The following GLRA3 variants were observed in gnomAD, a reference collection of about 807,000 sequenced individuals.
The protein encoded by GLRA3 is glycine receptor alpha 3, also known as glycine receptor subunit alpha-3.
GLRA3 carries 44 observed loss-of-function variants against 60.4 expected under a neutral mutation model. The ratio of observed to expected loss-of-function variants is 0.73; its 90% CI spans 0.57 to 0.94. The LOEUF (loss-of-function observed/expected upper bound fraction) is 0.94. GLRA3 is among the 40% of genes least tolerant of loss of function. GLRA3 has a pLI of 0.00. For missense variants in GLRA3, 508 were observed against 564.6 expected (o/e 0.90, Z 1.02); for synonymous variants, 223 against 192.9 (o/e 1.16, Z -1.29).
chr4:174,709,351 T>C (rs1735624948), intron 5 of GLRA3, among the ~76,000 whole-genome samples: 1 of 152,046 alleles, frequency 6.6e-6, no homozygotes, highest in Non-Finnish European at 1.5e-5. Context: ...CAGAATTCTC[T>C]GTGTGGTATG....
At chr4:174,790,184 T>C (rs1365752924) in intron 1 of GLRA3, among the ~76,000 whole-genome samples, 3 of 152,306 alleles carry the variant, frequency 2.0e-5, no homozygotes, top group Admixed American at 2.0e-4. Flanking sequence ...TTCTGGGCAC[T>C]CTGAGTCACT....
intron 7 of GLRA3, among the ~76,000 whole-genome samples, chr4:174,676,136 A>T (rs888313767): frequency 6.6e-6 from 1 of 152,190 alleles, no homozygotes; most frequent in African/African-American, 2.4e-5. Flanking sequence ...ATTTCTATGC[A>T]GCTAAATAAA....
intron 3 of GLRA3, among the ~76,000 whole-genome samples, chr4:174,745,314 A>G (rs752159290): frequency 6.6e-6 from 1 of 152,174 alleles, no homozygotes; most frequent in Non-Finnish European, 1.5e-5. Flanking sequence ...AAAGAGATAC[A>G]ATGCAAAATG....
chr4:174,828,676 A>G, intron 1 of GLRA3, 65 bp downstream of exon 1: 1 of 945,556 alleles, frequency 1.1e-6, no homozygotes. Flanking sequence ...CATCAATAAC[A>G]AGTGGTTGCA....
At chr4:174,714,395 ATTTAT>A (rs10573672) in intron 5 of GLRA3, among the ~76,000 whole-genome samples, 24,378 of 152,040 alleles carry the variant, frequency 0.16, 2,391 homozygotes, top group South Asian at 0.23. Flanking sequence ...CCAAATTTTA[ATTTAT>A]TTTATTTCCT....
At chr4:174,722,302 G>A (rs973036507) in intron 4 of GLRA3, among the ~76,000 whole-genome samples, 1 of 152,088 alleles carries the variant, frequency 6.6e-6, no homozygotes, top group African/African-American at 2.4e-5. Flanking sequence ...GGTAAAAAGG[G>A]CAGTCCCTAA....
intron 5 of GLRA3, among the ~76,000 whole-genome samples, chr4:174,686,414 G>A (rs1156869822): frequency 6.6e-6 from 1 of 152,146 alleles, no homozygotes; most frequent in East Asian, 1.9e-4. Context: ...GCTTCCCAAT[G>A]AAAACTAATT....
At chr4:174,725,225 T>C (rs533363385) in intron 4 of GLRA3, among the ~76,000 whole-genome samples, 2 of 152,356 alleles carry the variant, frequency 1.3e-5, no homozygotes, top group Admixed American at 6.5e-5. Context: ...GTTGCTCAGA[T>C]TGGGTAATTT....
chr4:174,774,050 C>T (rs1342193027), intron 2 of GLRA3, among the ~76,000 whole-genome samples: 1 of 151,804 alleles, frequency 6.6e-6, no homozygotes, highest in Non-Finnish European at 1.5e-5. Flanking sequence ...TCCTGGCTTG[C>T]AGAGTTGGAG....
At chr4:174,745,211 G>A (rs1015089249) in intron 3 of GLRA3, among the ~76,000 whole-genome samples, 12 of 152,146 alleles carry the variant, frequency 7.9e-5, no homozygotes, top group Non-Finnish European at 4.4e-5. Context: ...TGTTAAAAGG[G>A]TTTGAAAGCC....
intron 1 of GLRA3, among the ~76,000 whole-genome samples, chr4:174,808,471 C>T (rs1422640485): frequency 3.3e-5 from 5 of 152,078 alleles, no homozygotes; most frequent in Admixed American, 3.3e-4. Flanking sequence ...ATGTACAGTA[C>T]ATAATACTTG....
chr4:174,732,821 ATGTG>A (rs1736608559), intron 3 of GLRA3, among the ~76,000 whole-genome samples: 1 of 151,656 alleles, frequency 6.6e-6, no homozygotes, highest in South Asian at 2.1e-4. Context: ...GTGTGTATGT[ATGTG>A]TATGTGTGTG....
intron 1 of GLRA3, among the ~76,000 whole-genome samples, chr4:174,818,007 T>C (rs1373402522): frequency 6.6e-6 from 1 of 152,196 alleles, no homozygotes; most frequent in Non-Finnish European, 1.5e-5. Flanking sequence ...TGTTAGTTTT[T>C]AAAAATTGTA....
At chr4:174,795,842 G>C (rs773692362) in intron 1 of GLRA3, among the ~76,000 whole-genome samples, 5 of 152,154 alleles carry the variant, frequency 3.3e-5, no homozygotes, top group Non-Finnish European at 5.9e-5. Flanking sequence ...TGAAAAATGA[G>C]AAGATAATGA....
chr4:174,684,467 A>C (rs1374517691), intron 5 of GLRA3, among the ~76,000 whole-genome samples: 2 of 152,194 alleles, frequency 1.3e-5, no homozygotes, highest in African/African-American at 4.8e-5. Flanking sequence ...GCCTTTAGTA[A>C]ACTAAAATTT....
At chr4:174,691,591 G>A (rs367891990) in intron 5 of GLRA3, among the ~76,000 whole-genome samples, 2 of 152,202 alleles carry the variant, frequency 1.3e-5, no homozygotes, top group Non-Finnish European at 2.9e-5. Flanking sequence ...ACGGGGTTTC[G>A]CTGTGTTGGC....
rs1312981370 is a variant in GLRA3 at position 174,716,975 on chromosome 4, AGGATCGCTT to A, written c.492-1414_492-1406del. On this transcript the variant is annotated intron_variant, in intron 4 of 9. Transcript: ENST00000274093. ...CAGCGCTTTGGGAGGCTAAGAAGAG[AGGATCGCTT>A]GAGCCCAGTAGTTTGTGATCATCCT... is the stretch of plus-strand genomic sequence containing the variant. 2.6e-5 allele frequency among the ~76,000 whole-genome samples: 4 copies of A among 152,048 alleles called. No homozygotes were observed. In the East Asian group the frequency reaches 7.8e-4, roughly 29 times the overall value.
chr4:174,763,778 T>C (rs932094021), intron 3 of GLRA3, among the ~76,000 whole-genome samples: 8 of 152,154 alleles, frequency 5.3e-5, no homozygotes, highest in Non-Finnish European at 1.0e-4. Flanking sequence ...AAGACCATGT[T>C]CCCAAACAGT....
intron 2 of GLRA3, among the ~76,000 whole-genome samples, chr4:174,783,968 G>C (rs569402705): frequency 6.6e-6 from 1 of 150,532 alleles, no homozygotes; most frequent in African/African-American, 2.4e-5. Flanking sequence ...TCCCATTACT[G>C]GGTATATACC....
Sources: allele counts gnomAD v4.1 joint callset (sites outside exome capture counted in the v4.1 genomes callset), GRCh38; gene constraint gnomAD v4.1.1; transcripts MANE v1.5; gene names NCBI Gene and HGNC (gene_info 2026-07-23, HGNC 2026-07-21).